The following ZFAT variants were observed in gnomAD, a reference collection of about 807,000 sequenced individuals.
ZFAT encodes zinc finger protein ZFAT.
A neutral mutation model predicts 117.7 loss-of-function variants in ZFAT; 64 were observed. That is an observed-to-expected ratio of 0.54 (90% CI 0.44 to 0.67). The LOEUF (loss-of-function observed/expected upper bound fraction) is 0.67. Among genes scored for constraint, ZFAT ranks in the 30% least tolerant of loss-of-function variants. The probability of loss-of-function intolerance (pLI) is 0.00; values close to 1 mark genes in which losing one functional copy is unlikely to be tolerated. For missense variants in ZFAT, 1,433 were observed against 1,584.5 expected, an observed-to-expected ratio of 0.90 and a Z score of 1.62; for synonymous variants, 679 against 615.0, an observed-to-expected ratio of 1.10 and a Z score of -1.54.
chr8:134,595,198 G>A (rs1586776333), intron 7 of ZFAT, among the ~76,000 whole-genome samples: 1 of 152,192 alleles, frequency 6.6e-6, no homozygotes, highest in African/African-American at 2.4e-5. Flanking sequence ...ACATTTAAAC[G>A]CTGAAACAAA....
the ZFAT span, among the ~76,000 whole-genome samples, chr8:134,786,704 C>T: frequency 6.3e-4 from 96 of 152,188 alleles, no homozygotes; most frequent in African/African-American, 2.1e-3. Context: ...GACTTATTTA[C>T]TAATACATAT....
At chr8:134,670,154 G>C (rs574536796) in intron 1 of ZFAT, among the ~76,000 whole-genome samples, 1 of 152,162 alleles carries the variant, frequency 6.6e-6, no homozygotes, top group East Asian at 1.9e-4. Context: ...ATAATAATGG[G>C]AGACTGTAAC....
chr8:134,755,460 GGATGAATTACATA>G, the ZFAT span, among the ~76,000 whole-genome samples: 41 of 150,930 alleles, frequency 2.7e-4, no homozygotes, highest in African/African-American at 9.0e-4. Context: ...TTGGTTACAT[GGATGAATTACATA>G]GTGGTGAATT....
the ZFAT span, among the ~76,000 whole-genome samples, chr8:134,832,334 C>A: frequency 6.6e-6 from 1 of 151,658 alleles, no homozygotes. Flanking sequence ...GTGTACATGT[C>A]TCTGTGTGTG....
intron 12 of ZFAT, among the ~76,000 whole-genome samples, chr8:134,522,202 A>G (rs903286000): frequency 1.3e-5 from 2 of 152,260 alleles, no homozygotes; most frequent in African/African-American, 4.8e-5. Flanking sequence ...CGGGCAGGGC[A>G]GCAATGCCAC....
At chr8:134,557,345 A>C (rs1775781172) in intron 11 of ZFAT, among the ~76,000 whole-genome samples, 1 of 152,250 alleles carries the variant, frequency 6.6e-6, no homozygotes, top group African/African-American at 2.4e-5. Context: ...AAATCCAAAC[A>C]GATCCTAAAA....
At chr8:134,542,361 T>C (rs894350) in intron 11 of ZFAT, among the ~76,000 whole-genome samples, 3,452 of 152,288 alleles carry the variant, frequency 0.023, 138 homozygotes, top group African/African-American at 0.079. Context: ...CATGGGTAAA[T>C]TGCATGTCAC....
At chr8:134,509,015 A>T (rs1453782052) in intron 15 of ZFAT, among the ~76,000 whole-genome samples, 2 of 152,254 alleles carry the variant, frequency 1.3e-5, no homozygotes, top group African/African-American at 4.8e-5. Context: ...AACAGATAAA[A>T]AGGATGACCT....
At chr8:134,650,320 G>A (rs1395726293) in intron 2 of ZFAT, among the ~76,000 whole-genome samples, 2 of 151,704 alleles carry the variant, frequency 1.3e-5, no homozygotes, top group African/African-American at 2.4e-5. Flanking sequence ...TAGAGACGGG[G>A]TGTCACCATA....
At chr8:134,529,864 C>A (rs1453457406) in intron 12 of ZFAT, among the ~76,000 whole-genome samples, 3 of 152,216 alleles carry the variant, frequency 2.0e-5, no homozygotes, top group Non-Finnish European at 4.4e-5. Context: ...CTCTTCCCAG[C>A]AAGCTTTGGG....
intron 1 of ZFAT, among the ~76,000 whole-genome samples, chr8:134,709,238 C>T (rs1477409656): frequency 2.0e-5 from 3 of 152,188 alleles, no homozygotes; most frequent in Non-Finnish European, 4.4e-5. Flanking sequence ...TCCACAAATG[C>T]TTTCAAGAAG....
chr8:134,556,021 A>C (rs866266610), intron 11 of ZFAT, among the ~76,000 whole-genome samples: 39 of 107,450 alleles, frequency 3.6e-4, no homozygotes, highest in African/African-American at 1.4e-3. Flanking sequence ...GGAGGGAAGG[A>C]GGGAGGGAGA....
At chr8:134,556,454 A>C (rs555801089) in intron 11 of ZFAT, among the ~76,000 whole-genome samples, 1 of 152,298 alleles carries the variant, frequency 6.6e-6, no homozygotes, top group African/African-American at 2.4e-5. Context: ...CTGATGAAGG[A>C]TATCAACCCA....
At chr8:134,786,772 A>G in the ZFAT span, among the ~76,000 whole-genome samples, 2 of 152,088 alleles carry the variant, frequency 1.3e-5, no homozygotes, top group Non-Finnish European at 2.9e-5. Context: ...TAAATTCACA[A>G]TCACTTTCTA....
chr8:134,565,347 G>A lies in ZFAT; in HGVS notation c.2962C>T (p.His988Tyr). The change falls in exon 11 of 16, where the codon CAT becomes TAT. Residue 988 changes from histidine to tyrosine, a missense_variant. His to Tyr is a moderately conservative substitution (Grantham distance 83, BLOSUM62 2). Transcript: ENST00000377838. Reference protein sequence around the residue: ...KPQLLRHMEQHVSFKPFRCAH... With the variant: ...KPQLLRHMEQYVSFKPFRCAH... Reference sequence around the variant, plus strand: ...AGCCCTCTTACCTTGAAGGAGACATGCTGTTCCATGTGCCGCAGCAGCTGT... The same window carrying A: ...AGCCCTCTTACCTTGAAGGAGACATACTGTTCCATGTGCCGCAGCAGCTGT... 1 of 1,613,842 alleles carries A rather than the reference G, an allele frequency of 6.2e-7. No homozygotes were observed. Among genetic ancestry groups the A allele is most frequent in the Non-Finnish European group, 8.5e-7 (1 of 1,179,864 alleles).
chr8:134,624,925 A>G (rs1022903394), intron 3 of ZFAT, among the ~76,000 whole-genome samples: 2 of 150,764 alleles, frequency 1.3e-5, no homozygotes, highest in Non-Finnish European at 3.0e-5. Flanking sequence ...CCCAAGAACT[A>G]ATTAAATCTC....
chr8:134,507,126 A>G (rs571080942), intron 15 of ZFAT, among the ~76,000 whole-genome samples: 19 of 152,372 alleles, frequency 1.2e-4, no homozygotes, highest in Non-Finnish European at 2.4e-4. Context: ...AACAGAGTTC[A>G]CATTTCATTG....
the ZFAT span, among the ~76,000 whole-genome samples, chr8:134,752,341 C>A: frequency 6.6e-6 from 1 of 152,210 alleles, no homozygotes; most frequent in African/African-American, 2.4e-5. Flanking sequence ...CTCTGCAGTC[C>A]TCTCTTCTGT....
chr8:134,549,992 G>A (rs761681708), intron 11 of ZFAT, among the ~76,000 whole-genome samples: 12 of 152,154 alleles, frequency 7.9e-5, no homozygotes, highest in East Asian at 1.9e-4. Flanking sequence ...TCATGGGCTC[G>A]TGTTAGCATG....
Sources: gnomAD v4.1 joint callset for allele counts (sites outside exome capture counted in the v4.1 genomes callset) on GRCh38, gnomAD v4.1.1 for gene constraint, MANE v1.5 for transcripts, NCBI Gene and HGNC (gene_info 2026-07-23, HGNC 2026-07-21) for gene names.